CP: variants seen among roughly 807,000 people sequenced by gnomAD.
CP encodes ceruloplasmin, also known as caeruloplasmin.
A neutral mutation model predicts 122.4 loss-of-function variants in CP; 64 were observed. The observed-to-expected ratio is 0.52, with a 90% CI of 0.43 to 0.64. The LOEUF is 0.64. CP is among the 30% of genes least tolerant of loss of function. CP has a pLI of 0.00. For missense variants in CP, 1,167 were observed against 1,284.4 expected, an observed-to-expected ratio of 0.91 and a Z score of 1.40; for synonymous variants, 440 against 436.4, an observed-to-expected ratio of 1.01 and a Z score of -0.10.
chr3:149,175,400 T>C (rs1725354309), intron 18 of CP, among the ~76,000 whole-genome samples: 1 of 152,180 alleles, frequency 6.6e-6, no homozygotes, highest in South Asian at 2.1e-4. Flanking sequence ...ATTAAAACTT[T>C]CCATTTGCAC....
chr3:149,194,177 G>T (rs1023276466), intron 9 of CP, among the ~76,000 whole-genome samples: 1 of 151,586 alleles, frequency 6.6e-6, no homozygotes, highest in Non-Finnish European at 1.5e-5. Context: ...ATCAAGAATA[G>T]GAATCTAAAA....
At position 149,210,037 on chromosome 3, in the gene CP, TTTTCTA is replaced by T. The variant is rs1249650179; in HGVS notation, c.607+124_607+129del. On this transcript the variant is annotated intron_variant, in intron 3 of 18. Transcript: ENST00000264613. ...TCCTGCCTGGCTCTTCCCTTCCTTT[TTTTCTA>T]CTTACCACCTCTCTACCTTACCTGC... is the stretch of plus-strand genomic sequence containing the variant. 4.8e-6 allele frequency: 4 copies of T among 837,976 alleles called. No homozygotes were observed. In the African/African-American group the frequency reaches 5.1e-5, roughly 11 times the overall value. 51.9% of individuals were successfully genotyped at this position (837,976 alleles called of 1,614,324 possible).
In CP at chr3:149,185,373, T is replaced by C. The variant is rs1246507462; in HGVS notation, c.2151A>G (p.Gln717=). ...TGGAATCCTCAGACTGCCGCCTGCA[T>C]TGGTTCACAGTATATTTTTGCTTCA... ...GGMKQKYTVN[Q]CRRQSEDSTF... is the part of the protein sequence containing the mutation. The change falls in exon 12 of 19, where the codon CAA becomes CAG. Residue 717 remains glutamine, a synonymous_variant. Coordinates refer to ENST00000264613, the MANE Select transcript of CP (RefSeq NM_000096.4). 1.9e-6 allele frequency: 3 copies of C among 1,614,068 alleles called. No homozygotes were observed. Among genetic ancestry groups the C allele is most frequent in the African/African-American group, 1.3e-5 (1 of 74,918 alleles).
chr3:149,194,307 C>A (rs937150196), intron 9 of CP, among the ~76,000 whole-genome samples: 1 of 150,202 alleles, frequency 6.7e-6, no homozygotes, highest in African/African-American at 2.5e-5. Flanking sequence ...GATGCAATCT[C>A]TGCTCACACC....
intron 9 of CP, among the ~76,000 whole-genome samples, chr3:149,188,490 C>CAAAAAAAAAAAAAAAAACAAA (rs1726330538): frequency 2.2e-5 from 1 of 46,088 alleles, no homozygotes; most frequent in Non-Finnish European, 4.4e-5. Flanking sequence ...TTGAAGCCTC[C>CAAAAAAAAAAAAAAAAACAAA]AAAAAAAAAA....
At chr3:149,189,722 G>A (rs36074020) in intron 9 of CP, among the ~76,000 whole-genome samples, 7,191 of 152,128 alleles carry the variant, frequency 0.047, 409 homozygotes, top group African/African-American at 0.14. Flanking sequence ...ATTTTCAGAT[G>A]TATAAGGATT....
intron 1 of CP, among the ~76,000 whole-genome samples, chr3:149,214,053 G>C (rs544936236): frequency 6.6e-6 from 1 of 152,300 alleles, no homozygotes; most frequent in East Asian, 1.9e-4. Flanking sequence ...CAACACACTG[G>C]TGTGTTTTGA....
At chr3:149,162,715 C>T in exon 6 of CP, 1 of 1,613,970 alleles carries the variant, frequency 6.2e-7, no homozygotes, top group Non-Finnish European at 8.5e-7. Flanking sequence ...GATGAAGATA[C>T]AATTCCTCAG....
In CP at chr3:149,181,986, C is replaced by CTGGGGGGGGGG; in HGVS notation, c.2554+18_2554+19insCCCCCCCCCCA. 1 of 586,878 alleles carries CTGGGGGGGGGG rather than the reference C, an allele frequency of 1.7e-6. No individual in the cohort carries two copies. Among genetic ancestry groups the CTGGGGGGGGGG allele is most frequent in the Non-Finnish European group, 3.1e-6 (1 of 319,262 alleles). The allele number at this position is 586,878 out of a possible 1,614,324, so 36.4% of individuals were successfully genotyped here. On this transcript the variant is annotated intron_variant, in intron 14 of 18. Coordinates refer to ENST00000264613, the MANE Select transcript of CP (RefSeq NM_000096.4). The stretch of plus-strand genomic sequence containing the variant: ...AGCCTGTTAAAATGCACCACCCCCA[C>CTGGGGGGGGGG]CCCCGCCCCCGTGAGTACCTGGTAA...
chr3:149,178,240 A>G (rs1725546874), intron 16 of CP, among the ~76,000 whole-genome samples, 175 bp downstream of exon 16: 1 of 152,204 alleles, frequency 6.6e-6, no homozygotes. Flanking sequence ...TAAATTAGCA[A>G]ATGATTTTGA....
rs1221713346 is a variant in CP, at chr3:149,207,213, T to A, written c.1036+150A>T. 10 of 853,942 alleles carry A rather than the reference T, an allele frequency of 1.2e-5. No homozygotes were observed. The East Asian group carries it at 2.4e-4, about 21-fold the overall frequency. The allele number at this position is 853,942 out of a possible 1,614,324, so 52.9% of individuals were successfully genotyped here. ...AATATTCCTGTCTTACAGTCTTTTT[T>A]TATTACATTATTATATATACCATCA... On this transcript the variant is annotated intron_variant, in intron 5 of 18. Transcript: ENST00000264613.
intron 13 of CP, 84 bp from the exon 14 acceptor site, chr3:149,182,217 C>T: frequency 1.3e-6 from 2 of 1,522,506 alleles, no homozygotes; most frequent in Non-Finnish European, 1.8e-6. Context: ...TAACTTGTTT[C>T]TCTCCCCCAT....
At position 149,186,658 on chromosome 3, in the gene CP, A is replaced by T. The variant is rs755977561; in HGVS notation, c.1939T>A (p.Phe647Ile). 3.1e-5 allele frequency: 50 copies of T among 1,614,074 alleles called. 1 individual carries two copies. In the Admixed American group the frequency reaches 8.0e-4, roughly 26 times the overall value. Reference protein sequence around the residue: ...CKGDSVVWYLFSAGNEADVHG... With the variant: ...CKGDSVVWYLISAGNEADVHG... ...ACATCGGCCTCATTTCCGGCGCTGAATAAGTACCACACGACCGAATCTCCT... is the reference window on the plus strand; with the variant it reads ...ACATCGGCCTCATTTCCGGCGCTGATTAAGTACCACACGACCGAATCTCCT... Residue 647 changes from phenylalanine (F) to isoleucine (I), a missense_variant, in exon 11 of 19, where the codon TTC (phenylalanine) becomes ATC (isoleucine). This residue lies in a region of CP where 525 missense variants were observed against 657.2 expected (regional missense o/e 0.80). Coordinates refer to ENST00000264613, the MANE Select transcript of CP (RefSeq NM_000096.4).
chr3:149,205,864 G>C (rs989711387), intron 6 of CP, among the ~76,000 whole-genome samples: 10 of 152,180 alleles, frequency 6.6e-5, no homozygotes, highest in African/African-American at 2.2e-4. Context: ...TAATGCTGCT[G>C]AATCGTACAG....
chr3:149,187,135 A>G (rs1576743634), intron 10 of CP, among the ~76,000 whole-genome samples: 1 of 152,210 alleles, frequency 6.6e-6, no homozygotes, highest in Non-Finnish European at 1.5e-5. Flanking sequence ...TTAAAAAAAA[A>G]AGTCTCTAAT....
At chr3:149,188,691 CTCCAGCCAGCTGT>C (rs1726351373) in intron 9 of CP, among the ~76,000 whole-genome samples, 1 of 151,930 alleles carries the variant, frequency 6.6e-6, no homozygotes, top group South Asian at 2.1e-4. Flanking sequence ...TTCAAACAAT[CTCCAGCCAGCTGT>C]TCAAACATTA....
In CP at chr3:149,192,552, G is replaced by A. The variant is rs1012690075; in HGVS notation, c.1714-4350C>T. 2.5e-4 allele frequency among the ~76,000 whole-genome samples: 38 copies of A among 149,058 alleles called. 1 individual carries two copies. Among genetic ancestry groups the A allele is most frequent in the Non-Finnish European group, 1.5e-5 (1 of 67,326 alleles). On this transcript the variant is annotated intron_variant, in intron 9 of 18. Coordinates refer to ENST00000264613, the MANE Select transcript of CP (RefSeq NM_000096.4). Reference sequence around the variant, plus strand: ...CACTGAAAACAGCTATATTGTCACAGGCAAACAAACAAAAAAGTAAAAACA... The same window carrying A: ...CACTGAAAACAGCTATATTGTCACAAGCAAACAAACAAAAAAGTAAAAACA...
At chr3:149,166,668 T>C (rs995089230) in intron 4 of CP, among the ~76,000 whole-genome samples, 2 of 152,206 alleles carry the variant, frequency 1.3e-5, no homozygotes, top group Non-Finnish European at 2.9e-5. Context: ...ATTTTCAATA[T>C]TGCGAATACT....
chr3:149,214,744 C>T (rs1239136838), intron 1 of CP, among the ~76,000 whole-genome samples: 1 of 152,216 alleles, frequency 6.6e-6, no homozygotes, highest in Non-Finnish European at 1.5e-5. Context: ...CTGGGGTGAA[C>T]TCTGTCCCTA....
Sources: allele counts gnomAD v4.1 joint callset (sites outside exome capture counted in the v4.1 genomes callset), GRCh38; gene constraint gnomAD v4.1.1; regional missense constraint gnomAD v4.1.1; transcripts MANE v1.5; gene names NCBI Gene and HGNC (gene_info 2026-07-23, HGNC 2026-07-21).